The following PRPF38B variants were observed in gnomAD, a reference collection of about 807,000 sequenced individuals.
PRPF38B encodes pre-mRNA-splicing factor 38B.
Under a neutral mutation model 67.2 loss-of-function variants are expected in PRPF38B, and 18 were observed. The observed-to-expected ratio is 0.27, with a 90% confidence interval of 0.19 to 0.40. The LOEUF is 0.40. Ranked by LOEUF, PRPF38B falls within the 10% of genes least tolerant of loss-of-function variation. The pLI is 1.00. For synonymous variants in PRPF38B, 246 were observed against 234.2 expected (o/e 1.05, Z -0.46); for missense variants, 544 against 684.9 (o/e 0.79, Z 2.30).
chr1:108,694,609 G>A (rs1486187545), intron 1 of PRPF38B, among the ~76,000 whole-genome samples: 1 of 152,124 alleles, frequency 6.6e-6, no homozygotes, highest in African/African-American at 2.4e-5. Context: ...GGGAAGAAAG[G>A]AAACGTTAAA....
rs1570708532 is a variant in PRPF38B at position 108,701,571 on chromosome 1, G to A, written c.*1551G>A. ...GAAAATAGAGGCCCAAAGTAATGAT[G>A]TCAGTGCTAGGGCTAAAACTCAGTA... is the stretch of plus-strand genomic sequence containing the variant. On this transcript the variant is annotated 3_prime_UTR_variant, in exon 6 of 6. Coordinates refer to ENST00000370025, the MANE Select transcript of PRPF38B (RefSeq NM_018061.4). 1 of 152,216 alleles carries A rather than the reference G, an allele frequency of 6.6e-6. No individual in the cohort carries two copies. The highest frequency in any genetic ancestry group is 1.9e-4 in the East Asian group (1 of 5,204). 9.4% of individuals were successfully genotyped at this position (152,216 alleles called of 1,614,324 possible).
At chr1:108,698,973 C>T in intron 5 of PRPF38B, 146 bp downstream of exon 5, 1 of 1,345,738 alleles carries the variant, frequency 7.4e-7, no homozygotes, top group South Asian at 1.6e-5. Context: ...TTATTTTCTT[C>T]CTTTCAGGGC....
At position 108,699,476 on chromosome 1, in the gene PRPF38B, G is replaced by A. The variant is rs773550373; in HGVS notation, c.1097G>A (p.Arg366Gln). 2.3e-5 allele frequency: 37 copies of A among 1,604,420 alleles called. No individual in the cohort carries two copies. Among genetic ancestry groups the A allele is most frequent in the African/African-American group, 5.4e-5 (4 of 74,644 alleles). ...AAAGAAAATGAGAGAGGTAGAAGAC[G>A]AGATCGTGACTATGATAAGGAAAGA... ...REKENERGRR[R>Q]DRDYDKERGN... The change falls in exon 6 of 6, where the codon CGA becomes CAA. Residue 366 changes from arginine to glutamine, a missense_variant. Arg to Gln is a conservative substitution (Grantham distance 43, BLOSUM62 1). Transcript: ENST00000370025.
Position 108,698,624 on chromosome 1 carries a change from T to C in PRPF38B, c.579T>C (p.Gly193=). ...DDEEDLDVKA[G]GGCVMTIGEM... The stretch of plus-strand genomic sequence containing the variant: ...TGTAGGACCTAGATGTGAAGGCTGG[T>C]GGAGGCTGTGTAATGACCATTGGAG... Residue 193 remains glycine (G), a synonymous_variant, in exon 5 of 6, where the codon GGT becomes GGC. Transcript: ENST00000370025. 6.2e-7 allele frequency: 1 copy of C among 1,611,564 alleles called. No homozygotes were observed. The highest frequency in any genetic ancestry group is 8.5e-7 in the Non-Finnish European group (1 of 1,177,778).
chr1:108,696,257 A>G lies in PRPF38B; in HGVS notation c.498-20A>G, dbSNP rs916124376. On this transcript the variant is annotated intron_variant, in intron 3 of 5. Transcript: ENST00000370025. ...CATTTTAATTCACATGTGTTTAATA[A>G]TAGTCTTTTGTAATTCTAGATATAC... is the stretch of plus-strand genomic sequence containing the variant. 4 of 1,611,746 alleles carry G rather than the reference A, an allele frequency of 2.5e-6. No homozygotes were observed. The highest frequency in any genetic ancestry group is 3.4e-6 in the Non-Finnish European group (4 of 1,178,218).
Position 108,701,152 on chromosome 1 carries a change from T to C in PRPF38B, c.*1132T>C, listed in dbSNP as rs1241635358. ...TTGTATTCTGATTACAGAACCATCA[T>C]GAGTGTGGAATAAATACTGGATTAA... On this transcript the variant is annotated 3_prime_UTR_variant, in exon 6 of 6. Transcript: ENST00000370025. 3.3e-5 allele frequency: 5 copies of C among 152,662 alleles called. No individual in the cohort carries two copies. The allele number at this position is 152,662 out of a possible 1,614,324, so 9.5% of individuals were successfully genotyped here. A position where few individuals can be genotyped will look rare whatever the true frequency, so the allele number is the denominator to read the frequency against.
Position 108,696,096 on chromosome 1 carries a change from C to T in PRPF38B, c.399C>T (p.Tyr133=). ...GIVSTAFCLL[Y]KLFTLKLTRK... ...TTTCTACAGCATTTTGCCTGTTATA[C>T]AAATTATTTACCCTGAAGTTAACTC... is the stretch of plus-strand genomic sequence containing the variant. The change falls in exon 3 of 6, where the codon TAC becomes TAT. Residue 133 remains tyrosine (Y), a synonymous_variant. Transcript: ENST00000370025. 6.2e-7 allele frequency: 1 copy of T among 1,613,998 alleles called. No homozygotes were observed. The highest frequency in any genetic ancestry group is 8.5e-7 in the Non-Finnish European group (1 of 1,179,894).
chr1:108,698,455 C>G, intron 4 of PRPF38B, 149 bp from the exon 5 acceptor site: 1 of 629,880 alleles, frequency 1.6e-6, no homozygotes, highest in Non-Finnish European at 2.7e-6. Context: ...TATTTCTGTT[C>G]ATTCATTGTC....
chr1:108,693,268 C>G (rs1473227403), intron 1 of PRPF38B, among the ~76,000 whole-genome samples: 1 of 151,986 alleles, frequency 6.6e-6, no homozygotes, highest in Non-Finnish European at 1.5e-5. Context: ...CTGGCCAGGG[C>G]GTGTAATGAC....
At position 108,694,017 on chromosome 1, in the gene PRPF38B, T is replaced by A. The variant is rs570305363; in HGVS notation, c.276+1150T>A. 3.3e-5 allele frequency among the ~76,000 whole-genome samples: 5 copies of A among 152,272 alleles called. No individual in the cohort carries two copies. The South Asian group carries it at 1.0e-3, about 32-fold the overall frequency. On this transcript the variant is annotated intron_variant, in intron 1 of 5. Transcript: ENST00000370025. ...GACATTCTCTTTTGTCTTGCCCACC[T>A]TTTCCCCCAGTTGAGTAATTAGGTT...
At position 108,699,862 on chromosome 1, in the gene PRPF38B, G is replaced by GA; in HGVS notation, c.1488dup (p.Ser497IlefsTer2). 6.2e-7 allele frequency: 1 copy of GA among 1,613,996 alleles called. No individual in the cohort carries two copies. The highest frequency in any genetic ancestry group is 1.1e-5 in the South Asian group (1 of 91,024). ...AAAACGGGAACATAGTCCCAGCAAAGAAAAATCTAGAAAGCGTAGTAGAAG... is the reference window on the plus strand; with the variant it reads ...AAAACGGGAACATAGTCCCAGCAAAGAAAAAATCTAGAAAGCGTAGTAGAAG... On this transcript the variant is annotated frameshift_variant, in exon 6 of 6. Transcript: ENST00000370025. LOFTEE classifies it high-confidence loss of function.
At position 108,700,208 on chromosome 1, in the gene PRPF38B, TGTTAA is replaced by T; in HGVS notation, c.*192_*196del. 1.9e-6 allele frequency: 2 copies of T among 1,043,108 alleles called. No homozygotes were observed. Among genetic ancestry groups the T allele is most frequent in the South Asian group, 2.3e-5 (1 of 43,710 alleles). The allele number at this position is 1,043,108 out of a possible 1,614,324, so 64.6% of individuals were successfully genotyped here. A position where few individuals can be genotyped will look rare whatever the true frequency, so the allele number is the denominator to read the frequency against. On this transcript the variant is annotated 3_prime_UTR_variant, in exon 6 of 6. Coordinates refer to ENST00000370025, the MANE Select transcript of PRPF38B (RefSeq NM_018061.4). ...TATTGCATTGGTGTTTTCACCCAAT[TGTTAA>T]GTTTGATACATGATGCACAGATTGT...
Position 108,699,576 on chromosome 1 carries a change from AGAG to A in PRPF38B, c.1198_1200del (p.Glu400del). On this transcript the variant is annotated inframe_deletion, in exon 6 of 6. Coordinates refer to ENST00000370025, the MANE Select transcript of PRPF38B (RefSeq NM_018061.4). The stretch of plus-strand genomic sequence containing the variant: ...AACAGAGAAGTAGGGGAGAGGTAGA[AGAG>A]AAGAAACATAAAGAAGACAAAGATG... The A allele has an allele frequency of 6.4e-7, 1 of 1,553,404 alleles. No homozygotes were observed. Among genetic ancestry groups the A allele is most frequent in the Non-Finnish European group, 8.7e-7 (1 of 1,147,838 alleles).
In PRPF38B at chr1:108,699,726, AAGT is replaced by A. The variant is rs1557771922; in HGVS notation, c.1350_1352del (p.Ser450del). On this transcript the variant is annotated inframe_deletion, in exon 6 of 6. Coordinates refer to ENST00000370025, the MANE Select transcript of PRPF38B (RefSeq NM_018061.4). ...GTAGAAATGCAGGGAAACGAAGTAG[AAGT>A]AGAAGCAAAGAGAAATCAAGTAAAC... 2 of 1,613,556 alleles carry A rather than the reference AAGT, an allele frequency of 1.2e-6. No individual in the cohort carries two copies. Among genetic ancestry groups the A allele is most frequent in the Non-Finnish European group, 8.5e-7 (1 of 1,179,724 alleles).
At chr1:108,696,837 G>A in intron 4 of PRPF38B, 1 of 686,784 alleles carries the variant, frequency 1.5e-6, no homozygotes, top group Non-Finnish European at 2.7e-6. Flanking sequence ...CTAAGTGTTT[G>A]GATGACTTGT....
Position 108,692,695 on chromosome 1 carries a change from C to A in PRPF38B, c.104C>A (p.Thr35Asn), listed in dbSNP as rs1390338531. Residue 35 changes from threonine to asparagine, a missense_variant, in exon 1 of 6, where the codon ACC becomes AAC. Transcript: ENST00000370025. ...CAGCAGTGCGGCGGCGGCGGCGCTA[C>A]CAAGCCGGCGGTCTCCGGCAAGCAG... ...QQQQCGGGGA[T>N]KPAVSGKQGN... is the part of the protein sequence containing the mutation. 2 of 1,613,248 alleles carry A rather than the reference C, an allele frequency of 1.2e-6. No homozygotes were observed. Among genetic ancestry groups the A allele is most frequent in the Non-Finnish European group, 1.7e-6 (2 of 1,180,022 alleles).
Position 108,699,407 on chromosome 1 carries a change from G to T in PRPF38B, c.1028G>T (p.Arg343Leu), listed in dbSNP as rs199535509. ...AGGCATAGAAGTCGCAGTCGAAGTC[G>T]TGATAGGAAAGGGGATAGAAGGGAC... ...RERHRSRSRS[R>L]DRKGDRRDRD... The change falls in exon 6 of 6, where the codon CGT becomes CTT. Residue 343 changes from arginine (R) to leucine (L), a missense_variant. Physicochemically the swap from Arg to Leu is moderately radical, Grantham distance 102. Transcript: ENST00000370025. The T allele has an allele frequency of 1.5e-4, 248 of 1,613,968 alleles. No individual in the cohort carries two copies. The highest frequency in any genetic ancestry group is 2.0e-4 in the Non-Finnish European group (239 of 1,180,012).
At chr1:108,695,429 A>G (rs1659770978) in intron 1 of PRPF38B, among the ~76,000 whole-genome samples, 1 of 152,228 alleles carries the variant, frequency 6.6e-6, no homozygotes, top group African/African-American at 2.4e-5. Context: ...TCCCAGATGT[A>G]GATATCAGCT....
chr1:108,698,978 C>A, intron 5 of PRPF38B, 151 bp downstream of exon 5: 4 of 1,360,758 alleles, frequency 2.9e-6, no homozygotes, highest in Non-Finnish European at 3.9e-6. Context: ...TTCTTCCTTT[C>A]AGGGCTTTTT....
Sources: allele counts gnomAD v4.1 joint callset (sites outside exome capture counted in the v4.1 genomes callset), GRCh38; gene constraint gnomAD v4.1.1; transcripts MANE v1.5; gene names NCBI Gene and HGNC (gene_info 2026-07-23, HGNC 2026-07-21).